The following CACNA1C variants were observed in gnomAD, a reference collection of about 807,000 sequenced individuals.
CACNA1C encodes voltage-dependent L-type calcium channel subunit alpha-1C.
CACNA1C carries 30 observed loss-of-function variants against 229.0 expected under a neutral mutation model. The ratio of observed to expected loss-of-function variants is 0.13; its 90% CI spans 0.10 to 0.18. CACNA1C has a LOEUF of 0.18. Among genes scored for constraint, CACNA1C ranks in the 10% least tolerant of loss-of-function variants. CACNA1C has a pLI of 1.00. For missense variants in CACNA1C, 1,658 were observed against 2,845.0 expected, an observed-to-expected ratio of 0.58 and a Z score of 9.49; for synonymous variants, 1,114 against 1,132.5, an observed-to-expected ratio of 0.98 and a Z score of 0.33.
chr12:2,578,059 G>GA (rs2059156660), intron 13 of CACNA1C, among the ~76,000 whole-genome samples: 2 of 151,652 alleles, frequency 1.3e-5, no homozygotes, highest in Admixed American at 1.3e-4. Flanking sequence ...TAGTAGAGAC[G>GA]GGGTTTCACC....
chr12:2,550,347 G>A (rs1444521471), intron 10 of CACNA1C, among the ~76,000 whole-genome samples: 1 of 152,114 alleles, frequency 6.6e-6, no homozygotes, highest in Non-Finnish European at 1.5e-5. Flanking sequence ...TGTAGGGGGC[G>A]GCCCCAAAGT....
intron 29 of CACNA1C, among the ~76,000 whole-genome samples, chr12:2,628,348 A>G (rs2088274146): frequency 6.6e-6 from 1 of 152,198 alleles, no homozygotes; most frequent in African/African-American, 2.4e-5. Flanking sequence ...GTCTTACAAA[A>G]TGCAGCCGTG....
At chr12:2,063,865 T>C (rs1445873984) in intron 1 of CACNA1C, among the ~76,000 whole-genome samples, 1 of 152,244 alleles carries the variant, frequency 6.6e-6, no homozygotes, top group African/African-American at 2.4e-5. Context: ...TTCAAGTATC[T>C]ATTTGAATCC....
intron 3 of CACNA1C, among the ~76,000 whole-genome samples, chr12:2,155,768 A>G (rs543263727): frequency 1.3e-5 from 2 of 152,308 alleles, no homozygotes; most frequent in African/African-American, 4.8e-5. Context: ...AGGTGGGAGG[A>G]TGAGCCAGAT....
chr12:2,017,660 GT>G lies in CACNA1C; in HGVS notation c.139+46471del, dbSNP rs35525403. 1.3e-3 allele frequency among the ~76,000 whole-genome samples: 189 copies of G among 144,530 alleles called. 1 individual carries two copies. The highest frequency in any genetic ancestry group is 3.7e-3 in the African/African-American group (146 of 39,596). 94.8% of individuals were successfully genotyped at this position (144,530 alleles called of 152,430 possible). A position where few individuals can be genotyped will look rare whatever the true frequency, so the allele number is the denominator to read the frequency against. On this transcript the variant is annotated intron_variant, in intron 1 of 46. Transcript: ENST00000682462. ...GTTTCAGTCAATGTATCTTTTTTCT[GT>G]TTTTTTTTTTTCTGACCTAATGCCT... is the stretch of plus-strand genomic sequence containing the variant.
At chr12:2,109,084 C>T (rs973425787) in intron 1 of CACNA1C, among the ~76,000 whole-genome samples, 1 of 152,182 alleles carries the variant, frequency 6.6e-6, no homozygotes, top group South Asian at 2.1e-4. Context: ...CTCACCCTCT[C>T]TAAATCGATG....
At chr12:2,485,737 G>A (rs1484176619) in intron 5 of CACNA1C, among the ~76,000 whole-genome samples, 1 of 152,174 alleles carries the variant, frequency 6.6e-6, no homozygotes. Flanking sequence ...GCCGTCTTGA[G>A]TCCACATGAG....
At chr12:1,999,182 T>G (rs990769638) in intron 1 of CACNA1C, among the ~76,000 whole-genome samples, 4 of 152,184 alleles carry the variant, frequency 2.6e-5, no homozygotes, top group South Asian at 2.1e-4. Flanking sequence ...GCAATCTGGG[T>G]TTTATTAAAC....
chr12:2,438,986 C>T (rs1008390390), intron 3 of CACNA1C, among the ~76,000 whole-genome samples: 7 of 152,132 alleles, frequency 4.6e-5, no homozygotes, highest in Non-Finnish European at 8.8e-5. Flanking sequence ...TGCCCATTGT[C>T]CCCAGGAGTA....
At chr12:2,454,213 A>C in intron 4 of CACNA1C, among the ~76,000 whole-genome samples, 1 of 151,700 alleles carries the variant, frequency 6.6e-6, no homozygotes, top group Admixed American at 6.6e-5. Flanking sequence ...TCACTCCGAC[A>C]CTCACTTCTC....
At chr12:2,424,048 G>T (rs1282991911) in intron 3 of CACNA1C, among the ~76,000 whole-genome samples, 1 of 151,868 alleles carries the variant, frequency 6.6e-6, no homozygotes, top group South Asian at 2.1e-4. Context: ...AGTAACCCGC[G>T]CACATTATGT....
chr12:2,402,783 C>T (rs1057219372), intron 3 of CACNA1C, among the ~76,000 whole-genome samples: 3 of 152,168 alleles, frequency 2.0e-5, no homozygotes, highest in African/African-American at 7.2e-5. Context: ...TCTGGTCTCA[C>T]GGTCAACAGG....
At chr12:2,191,889 C>T (rs913893553) in intron 3 of CACNA1C, among the ~76,000 whole-genome samples, 3 of 151,788 alleles carry the variant, frequency 2.0e-5, no homozygotes, top group South Asian at 2.1e-4. Context: ...CACGTACACA[C>T]AGGCACACAC....
chr12:2,542,143 CTTT>C (rs3216322), intron 9 of CACNA1C, among the ~76,000 whole-genome samples: 24,311 of 152,048 alleles, frequency 0.16, 2,146 homozygotes, highest in African/African-American at 0.23. Context: ...TGCCATTTTT[CTTT>C]TTTATCAAAA....
intron 1 of CACNA1C, among the ~76,000 whole-genome samples, chr12:2,035,015 C>T (rs931150023): frequency 2.0e-5 from 3 of 152,208 alleles, no homozygotes; most frequent in Non-Finnish European, 4.4e-5. Context: ...CGGTAAAGGC[C>T]GACGCCGGTT....
rs536049810 is a variant in CACNA1C at position 2,582,097 on chromosome 12, C to T, written c.2103+300C>T. 2.8e-4 allele frequency among the ~76,000 whole-genome samples: 43 copies of T among 151,672 alleles called. 1 individual carries two copies. Among genetic ancestry groups the T allele is most frequent in the Admixed American group, 8.5e-4 (13 of 15,234 alleles). On this transcript the variant is annotated intron_variant, in intron 14 of 46. Transcript: ENST00000399655. Reference sequence around the variant, plus strand: ...GTTGCAGTGAGCCAAGATTGCACCACTGCACACTCTAGCCTAGGTGACGGA... The same window carrying T: ...GTTGCAGTGAGCCAAGATTGCACCATTGCACACTCTAGCCTAGGTGACGGA...
At chr12:2,212,711 T>A (rs977425892) in intron 3 of CACNA1C, among the ~76,000 whole-genome samples, 1 of 152,154 alleles carries the variant, frequency 6.6e-6, no homozygotes, top group Non-Finnish European at 1.5e-5. Flanking sequence ...CACTTCCTCT[T>A]TCCTCTGTGT....
At chr12:2,203,830 C>T (rs2097673299) in intron 3 of CACNA1C, among the ~76,000 whole-genome samples, 2 of 152,300 alleles carry the variant, frequency 1.3e-5, no homozygotes, top group African/African-American at 4.8e-5. Context: ...CTAGACAGAG[C>T]CCAAGGGGAT....
intron 1 of CACNA1C, among the ~76,000 whole-genome samples, chr12:2,007,528 A>G (rs980556330): frequency 2.6e-5 from 4 of 152,244 alleles, no homozygotes; most frequent in Non-Finnish European, 5.9e-5. Flanking sequence ...GTCTGTGCTG[A>G]AATTACATGG....
Sources: gnomAD v4.1 joint callset for allele counts (sites outside exome capture counted in the v4.1 genomes callset) on GRCh38, gnomAD v4.1.1 for gene constraint, MANE v1.5 for transcripts, NCBI Gene and HGNC (gene_info 2026-07-23, HGNC 2026-07-21) for gene names.